Variants in TNR observed in about 807,000 individuals in gnomAD.
TNR encodes the protein tenascin-R.
In TNR, 45 loss-of-function variants were observed where a neutral mutation model predicts 150.4. The observed-to-expected ratio is 0.30, with a 90% confidence interval of 0.24 to 0.38. The LOEUF (loss-of-function observed/expected upper bound fraction) is 0.38, where lower values mean the gene tolerates loss of function less well. Among genes scored for constraint, TNR ranks in the 10% least tolerant of loss-of-function variants. The probability of loss-of-function intolerance (pLI) is 1.00; values close to 1 mark genes in which losing one functional copy is unlikely to be tolerated. For synonymous variants in TNR, 687 were observed against 678.4 expected (o/e 1.01, Z -0.20); for missense variants, 1,544 against 1,759.1 (o/e 0.88, Z 2.19).
intron 9 of TNR, among the ~76,000 whole-genome samples, chr1:175,375,841 T>C (rs1369970767): frequency 3.3e-5 from 5 of 152,236 alleles, no homozygotes; most frequent in African/African-American, 1.2e-4. Context: ...GTGCTTACTG[T>C]GTGCCAGGCT....
At chr1:175,619,507 G>A (rs1393667758) in intron 1 of TNR, among the ~76,000 whole-genome samples, 1 of 152,176 alleles carries the variant, frequency 6.6e-6, no homozygotes, top group African/African-American at 2.4e-5. Context: ...AGGCTCATTA[G>A]TCTATCAAGT....
intron 6 of TNR, among the ~76,000 whole-genome samples, chr1:175,392,607 T>C (rs1470214242): frequency 6.6e-6 from 1 of 152,236 alleles, no homozygotes; most frequent in Non-Finnish European, 1.5e-5. Flanking sequence ...CACATTTTAT[T>C]TATCATTTTA....
At chr1:175,339,192 A>C (rs1057469024) in intron 18 of TNR, among the ~76,000 whole-genome samples, 1 of 152,238 alleles carries the variant, frequency 6.6e-6, no homozygotes, top group Non-Finnish European at 1.5e-5. Context: ...CAGATGGCTT[A>C]AGTGCTGTTT....
At chr1:175,702,813 G>A (rs1441487874) in intron 1 of TNR, among the ~76,000 whole-genome samples, 1 of 152,220 alleles carries the variant, frequency 6.6e-6, no homozygotes, top group Non-Finnish European at 1.5e-5. Flanking sequence ...AATACCAAAT[G>A]AGGATGTAGA....
chr1:175,356,334 T>C lies in TNR; in HGVS notation c.3103A>G (p.Thr1035Ala), dbSNP rs1651325476. The C allele has an allele frequency of 6.2e-7, 1 of 1,613,980 alleles. No individual in the cohort carries two copies. The highest frequency in any genetic ancestry group is 8.5e-7 in the Non-Finnish European group (1 of 1,179,908). The change falls in exon 16 of 23, where the codon ACC becomes GCC. Residue 1035 changes from threonine (T) to alanine (A), a missense_variant. By Grantham distance (58) the Thr-to-Ala change is moderately conservative. Around this residue, in one of 2 missense-constraint regions of TNR, gnomAD observed 290 missense variants for 429.7 expected, o/e 0.67. Coordinates refer to ENST00000367674, the MANE Select transcript of TNR (RefSeq NM_003285.3). ...NGPLTSGTISTNFSTLLDPPA... is the reference protein window; with the variant it reads ...NGPLTSGTISANFSTLLDPPA... ...ATGTACTCACGAGTAGAAAAGTTGG[T>C]GCTGATGGTGCCACTGGTGAGAGGT...
At chr1:175,528,848 C>T (rs116888222) in intron 1 of TNR, among the ~76,000 whole-genome samples, 4 of 152,310 alleles carry the variant, frequency 2.6e-5, no homozygotes, top group East Asian at 1.9e-4. Flanking sequence ...TTTATTTGTG[C>T]CATGCTCACT....
intron 1 of TNR, among the ~76,000 whole-genome samples, chr1:175,675,012 G>A (rs1209242113): frequency 6.6e-6 from 1 of 152,152 alleles, no homozygotes; most frequent in South Asian, 2.1e-4. Context: ...GGGAGATGGG[G>A]GTGGCTGGAG....
At chr1:175,696,597 G>A (rs1468226860) in intron 1 of TNR, among the ~76,000 whole-genome samples, 2 of 152,162 alleles carry the variant, frequency 1.3e-5, no homozygotes, top group South Asian at 2.1e-4. Flanking sequence ...TAGAGGAGAA[G>A]GCCCCAACCG....
rs202142004 is a variant in TNR at position 175,406,690 on chromosome 1, C to T, written c.25G>A (p.Val9Ile). The T allele has an allele frequency of 4.0e-4, 650 of 1,613,984 alleles. No homozygotes were observed. The highest frequency in any genetic ancestry group is 5.2e-4 in the Non-Finnish European group (612 of 1,179,988). Residue 9 changes from valine to isoleucine, a missense_variant, in exon 3 of 23, where the codon GTT (valine) becomes ATT (isoleucine). By Grantham distance (29) the Val-to-Ile change is conservative. Transcript: ENST00000367674. ...ATGCCAATGAGCATGTTCTTCAGAA[C>T]CACTGTTTCCCCATCTGCCCCCATC... MGADGETV[V>I]LKNMLIGINL...
At chr1:175,352,329 A>G (rs1250656067) in intron 18 of TNR, among the ~76,000 whole-genome samples, 2 of 152,208 alleles carry the variant, frequency 1.3e-5, no homozygotes, top group African/African-American at 4.8e-5. Context: ...ATTGAAACCC[A>G]TGCATTTTGG....
intron 1 of TNR, among the ~76,000 whole-genome samples, chr1:175,715,565 T>C (rs558735657): frequency 6.6e-6 from 1 of 152,288 alleles, no homozygotes; most frequent in East Asian, 1.9e-4. Context: ...TCCTCAGCTC[T>C]TGGGACTCTT....
At chr1:175,340,042 C>T (rs902285521) in intron 18 of TNR, among the ~76,000 whole-genome samples, 1 of 152,030 alleles carries the variant, frequency 6.6e-6, no homozygotes, top group Non-Finnish European at 1.5e-5. Context: ...GAATGGCTAT[C>T]ATATAAAATA....
intron 12 of TNR, 50 bp downstream of exon 12, chr1:175,364,960 C>T: frequency 6.5e-7 from 1 of 1,546,246 alleles, no homozygotes; most frequent in Non-Finnish European, 8.7e-7. Context: ...TTGTCAAAGG[C>T]TACTGTGAAA....
At chr1:175,579,501 T>C (rs141650588) in intron 1 of TNR, among the ~76,000 whole-genome samples, 1 of 151,708 alleles carries the variant, frequency 6.6e-6, no homozygotes, top group Non-Finnish European at 1.5e-5. Context: ...ATTTGGGCAA[T>C]GGCGATTAGA....
intron 1 of TNR, among the ~76,000 whole-genome samples, chr1:175,529,041 G>A (rs1659963974): frequency 6.6e-6 from 1 of 152,222 alleles, no homozygotes; most frequent in Non-Finnish European, 1.5e-5. Context: ...TTAAGTGAGA[G>A]CCTTCTGAGT....
intron 1 of TNR, among the ~76,000 whole-genome samples, chr1:175,690,389 G>A (rs192403358): frequency 5.7e-4 from 87 of 152,348 alleles, no homozygotes; most frequent in African/African-American, 2.1e-3. Flanking sequence ...GTGAGAGTGA[G>A]TGATGGGGTT....
chr1:175,370,887 C>T (rs1430537170), intron 9 of TNR, among the ~76,000 whole-genome samples: 1 of 152,126 alleles, frequency 6.6e-6, no homozygotes, highest in African/African-American at 2.4e-5. Context: ...ATCATCTTCT[C>T]CCAGAAAACT....
intron 18 of TNR, among the ~76,000 whole-genome samples, chr1:175,342,059 A>C (rs1650548510): frequency 6.6e-6 from 1 of 152,266 alleles, no homozygotes; most frequent in Admixed American, 6.5e-5. Context: ...AATATATAAC[A>C]GAGTGTCTGT....
At chr1:175,352,857 C>T (rs1175721095) in intron 18 of TNR, among the ~76,000 whole-genome samples, 1 of 152,190 alleles carries the variant, frequency 6.6e-6, no homozygotes, top group Non-Finnish European at 1.5e-5. Flanking sequence ...TTTGTCATAT[C>T]TGATCAGTGT....
Sources: gnomAD v4.1 joint callset for allele counts (sites outside exome capture counted in the v4.1 genomes callset) on GRCh38, gnomAD v4.1.1 for gene constraint, gnomAD v4.1.1 regional missense constraint, MANE v1.5 for transcripts, NCBI Gene and HGNC (gene_info 2026-07-23, HGNC 2026-07-21) for gene names.